Variants in MACROD2 observed in about 807,000 individuals in gnomAD.
MACROD2 encodes the protein ADP-ribose glycohydrolase MACROD2.
In MACROD2, 36 loss-of-function variants were observed where a neutral mutation model predicts 70.4. The observed-to-expected ratio is 0.51, with a 90% CI of 0.39 to 0.68. The LOEUF is 0.68. MACROD2 is among the 30% of genes least tolerant of loss of function. The probability of loss-of-function intolerance (pLI) is 0.00; values close to 1 mark genes in which losing one functional copy is unlikely to be tolerated. For missense variants in MACROD2, 496 were observed against 538.4 expected (o/e 0.92, Z 0.78); for synonymous variants, 172 against 178.8 (o/e 0.96, Z 0.30).
chr20:14,178,498 T>A (rs56256263), intron 3 of MACROD2, among the ~76,000 whole-genome samples: 16,285 of 152,144 alleles, frequency 0.11, 1,216 homozygotes, highest in Non-Finnish European at 0.16. Flanking sequence ...AAAGTACTTT[T>A]GTGTTCTGCT....
At chr20:15,500,776 T>C (rs2047354985) in intron 8 of MACROD2, among the ~76,000 whole-genome samples, 1 of 152,220 alleles carries the variant, frequency 6.6e-6, no homozygotes, top group South Asian at 2.1e-4. Context: ...TGTCATTTTC[T>C]AATTATTGTA....
chr20:15,671,745 A>T (rs2049982471), intron 8 of MACROD2, among the ~76,000 whole-genome samples: 1 of 152,230 alleles, frequency 6.6e-6, no homozygotes, highest in Non-Finnish European at 1.5e-5. Context: ...TCTCTGCTTC[A>T]CAGCGGAATG....
At chr20:14,587,349 G>C (rs898029985) in intron 4 of MACROD2, among the ~76,000 whole-genome samples, 1 of 151,444 alleles carries the variant, frequency 6.6e-6, no homozygotes, top group African/African-American at 2.4e-5. Context: ...TATATTGTCT[G>C]CACTTAATTA....
At chr20:14,181,532 G>A (rs1192947238) in intron 3 of MACROD2, among the ~76,000 whole-genome samples, 4 of 151,482 alleles carry the variant, frequency 2.6e-5, no homozygotes, top group African/African-American at 4.8e-5. Context: ...TATTTTGCTG[G>A]CTTTTAGTGT....
intron 3 of MACROD2, among the ~76,000 whole-genome samples, chr20:14,187,304 A>AT (rs1446394947): frequency 6.6e-6 from 1 of 152,160 alleles, no homozygotes; most frequent in African/African-American, 2.4e-5. Flanking sequence ...AATCTATTGA[A>AT]TCCCAGTAAA....
At chr20:14,080,516 G>A (rs1601197525) in intron 2 of MACROD2, among the ~76,000 whole-genome samples, 1 of 146,600 alleles carries the variant, frequency 6.8e-6, no homozygotes. Flanking sequence ...ACTCAAAAAG[G>A]CCTAAGTGGT....
At chr20:15,783,101 T>C (rs997543812) in intron 8 of MACROD2, among the ~76,000 whole-genome samples, 3 of 152,174 alleles carry the variant, frequency 2.0e-5, no homozygotes, top group Admixed American at 2.0e-4. Context: ...TATGCATATG[T>C]ATGCCTGTAT....
At chr20:14,314,059 T>C (rs1329621214) in intron 3 of MACROD2, among the ~76,000 whole-genome samples, 1 of 152,222 alleles carries the variant, frequency 6.6e-6, no homozygotes, top group Non-Finnish European at 1.5e-5. Context: ...TTTGATTTAA[T>C]AGGTAACCAT....
chr20:15,933,729 C>T (rs953497432), intron 11 of MACROD2, among the ~76,000 whole-genome samples: 3 of 152,178 alleles, frequency 2.0e-5, no homozygotes, highest in Non-Finnish European at 4.4e-5. Context: ...GCTTGGCCTG[C>T]ACAGTGAGTA....
At chr20:15,809,731 G>A (rs2063800355) in intron 8 of MACROD2, among the ~76,000 whole-genome samples, 3 of 152,162 alleles carry the variant, frequency 2.0e-5, no homozygotes, top group South Asian at 4.2e-4. Context: ...CATGAAATTT[G>A]GAAAGGTCAA....
At chr20:14,424,378 A>G (rs573079080) in intron 3 of MACROD2, among the ~76,000 whole-genome samples, 1 of 152,228 alleles carries the variant, frequency 6.6e-6, no homozygotes. Flanking sequence ...AAGTTTCAGC[A>G]CTGATACCAC....
chr20:14,704,530 A>G (rs750824713), intron 5 of MACROD2, among the ~76,000 whole-genome samples: 1 of 152,082 alleles, frequency 6.6e-6, no homozygotes, highest in Admixed American at 6.6e-5. Context: ...TTCTGAGGTC[A>G]CCTGAGATTC....
chr20:15,614,085 C>T (rs945118260), intron 8 of MACROD2, among the ~76,000 whole-genome samples: 1 of 152,188 alleles, frequency 6.6e-6, no homozygotes, highest in African/African-American at 2.4e-5. Flanking sequence ...GCAGGAAAAC[C>T]AGTGTAAGTC....
At chr20:14,312,706 A>G (rs2082577644) in intron 3 of MACROD2, among the ~76,000 whole-genome samples, 1 of 152,232 alleles carries the variant, frequency 6.6e-6, no homozygotes, top group African/African-American at 2.4e-5. Context: ...AGGCACTACT[A>G]TATTAAGTAC....
Position 14,815,492 on chromosome 20 carries a change from GGT to G in MACROD2, c.418+130547_418+130548del, listed in dbSNP as rs146543584. 1.7e-3 allele frequency among the ~76,000 whole-genome samples: 258 copies of G among 151,076 alleles called. 3 individuals are homozygous for G. The highest frequency in any genetic ancestry group is 3.0e-3 in the Non-Finnish European group (202 of 67,584). On this transcript the variant is annotated intron_variant, in intron 5 of 17. Coordinates refer to ENST00000684519, the MANE Select transcript of MACROD2 (RefSeq NM_001351661.2). The stretch of plus-strand genomic sequence containing the variant: ...CATCTATTCCCTGGAATTATGTGTG[GGT>G]GTGTGTGTGTGTGCACGCACATGTG...
At chr20:15,335,876 C>T (rs1440698489) in intron 6 of MACROD2, among the ~76,000 whole-genome samples, 1 of 151,564 alleles carries the variant, frequency 6.6e-6, no homozygotes, top group Non-Finnish European at 1.5e-5. Context: ...GTCTTCAATA[C>T]CGTTCCCTTC....
At chr20:15,316,430 A>G (rs994263538) in intron 6 of MACROD2, among the ~76,000 whole-genome samples, 2 of 152,114 alleles carry the variant, frequency 1.3e-5, no homozygotes, top group South Asian at 4.1e-4. Context: ...CTTTTAGTCA[A>G]AAGCTATTAA....
At chr20:15,401,040 TTC>T (rs962953289) in intron 6 of MACROD2, among the ~76,000 whole-genome samples, 23 of 146,492 alleles carry the variant, frequency 1.6e-4, no homozygotes, top group African/African-American at 6.3e-4. Context: ...GGGCAGCTTG[TTC>T]TTTTTTTTTT....
intron 6 of MACROD2, among the ~76,000 whole-genome samples, chr20:15,330,531 A>T (rs958318781): frequency 2.6e-5 from 4 of 151,584 alleles, no homozygotes; most frequent in African/African-American, 9.8e-5. Context: ...ATGGAAGATT[A>T]TAAGCAGACC....
Sources: allele counts gnomAD v4.1 joint callset (sites outside exome capture counted in the v4.1 genomes callset), GRCh38; gene constraint gnomAD v4.1.1; transcripts MANE v1.5; gene names NCBI Gene and HGNC (gene_info 2026-07-23, HGNC 2026-07-21).